The following EXOC6B variants were observed in gnomAD, a reference collection of about 807,000 sequenced individuals.
EXOC6B encodes the protein exocyst complex component 6B.
In EXOC6B, 54 loss-of-function variants were observed where a neutral mutation model predicts 113.5. The ratio of observed to expected loss-of-function variants is 0.48; its 90% CI spans 0.38 to 0.60. The LOEUF (loss-of-function observed/expected upper bound fraction) is 0.60, where lower values mean the gene tolerates loss of function less well. Ranked by LOEUF, EXOC6B falls within the 20% of genes least tolerant of loss-of-function variation. The pLI is 0.00. For missense variants in EXOC6B, 797 were observed against 977.5 expected, an observed-to-expected ratio of 0.82 and a Z score of 2.46; for synonymous variants, 357 against 339.0, an observed-to-expected ratio of 1.05 and a Z score of -0.58.
chr2:72,434,483 C>T (rs573796763), intron 18 of EXOC6B, among the ~76,000 whole-genome samples: 7 of 152,296 alleles, frequency 4.6e-5, no homozygotes, highest in East Asian at 3.9e-4. Flanking sequence ...AGGAATGATA[C>T]CAGTTCCTTT....
Position 72,413,688 on chromosome 2 carries a change from G to GA in EXOC6B, c.1981-33819dup, listed in dbSNP as rs779663149. On this transcript the variant is annotated intron_variant, in intron 18 of 21. Coordinates refer to ENST00000272427, the MANE Select transcript of EXOC6B (RefSeq NM_015189.3). ...CAGAACAAGACTCCGCCTCAAAAAA[G>GA]AAAAAAAAAAAAAGAAAAAAGAAAA... Among the ~76,000 whole-genome samples the GA allele has an allele frequency of 6.3e-3, 682 of 108,184 alleles. 5 individuals carry two copies. Among genetic ancestry groups the GA allele is most frequent in the African/African-American group, 0.017 (547 of 31,318 alleles). The allele number at this position is 108,184 out of a possible 152,430, so 71.0% of individuals were successfully genotyped here. A position where few individuals can be genotyped will look rare whatever the true frequency, so the allele number is the denominator to read the frequency against.
chr2:72,808,432 A>C (rs1261682769), intron 1 of EXOC6B, among the ~76,000 whole-genome samples: 1 of 152,178 alleles, frequency 6.6e-6, no homozygotes, highest in Non-Finnish European at 1.5e-5. Context: ...GAGAAATCAC[A>C]CACACACAAA....
chr2:72,624,105 A>G (rs1671906997), intron 6 of EXOC6B, among the ~76,000 whole-genome samples: 1 of 152,128 alleles, frequency 6.6e-6, no homozygotes, highest in Non-Finnish European at 1.5e-5. Flanking sequence ...GAGCAACTCT[A>G]TATTTTCTCC....
chr2:72,459,704 G>A (rs1318614521), intron 18 of EXOC6B, among the ~76,000 whole-genome samples: 1 of 152,140 alleles, frequency 6.6e-6, no homozygotes. Context: ...GGAAATAAAA[G>A]AGGATACAAA....
At chr2:72,747,227 G>C (rs1681760522) in intron 1 of EXOC6B, among the ~76,000 whole-genome samples, 1 of 151,982 alleles carries the variant, frequency 6.6e-6, no homozygotes, top group Admixed American at 6.6e-5. Flanking sequence ...ACCAATCATG[G>C]TAATTGCATT....
At chr2:72,367,866 G>A (rs901795982) in intron 19 of EXOC6B, among the ~76,000 whole-genome samples, 1 of 152,210 alleles carries the variant, frequency 6.6e-6, no homozygotes, top group African/African-American at 2.4e-5. Context: ...CTAGCCAAAG[G>A]AGAATCATCC....
chr2:72,468,746 AC>A (rs1246065924), intron 17 of EXOC6B, among the ~76,000 whole-genome samples: 1 of 152,116 alleles, frequency 6.6e-6, no homozygotes, highest in Non-Finnish European at 1.5e-5. Context: ...GGAAATTCTA[AC>A]GATGTTAATT....
intron 5 of EXOC6B, among the ~76,000 whole-genome samples, chr2:72,727,790 C>T (rs1680396099): frequency 6.6e-6 from 1 of 152,144 alleles, no homozygotes; most frequent in Admixed American, 6.5e-5. Context: ...TATACCAAAA[C>T]TTAAAACTTC....
intron 6 of EXOC6B, among the ~76,000 whole-genome samples, chr2:72,631,586 C>G (rs981858331): frequency 1.3e-5 from 2 of 151,092 alleles, no homozygotes; most frequent in African/African-American, 4.9e-5. Flanking sequence ...CTTACTGAAG[C>G]CTTGACTTCC....
At chr2:72,481,245 A>G (rs1699073116) in intron 16 of EXOC6B, among the ~76,000 whole-genome samples, 1 of 151,386 alleles carries the variant, frequency 6.6e-6, no homozygotes, top group South Asian at 2.1e-4. Flanking sequence ...TCTTTCCTTT[A>G]TAAATTACCC....
chr2:72,707,009 A>G (rs1678926234), intron 6 of EXOC6B, among the ~76,000 whole-genome samples: 1 of 152,182 alleles, frequency 6.6e-6, no homozygotes, highest in Non-Finnish European at 1.5e-5. Flanking sequence ...CAAAGGTGCC[A>G]GAGTTGTGAA....
chr2:72,453,710 CA>C (rs1697042279), intron 18 of EXOC6B, among the ~76,000 whole-genome samples: 2 of 152,086 alleles, frequency 1.3e-5, no homozygotes, highest in Non-Finnish European at 2.9e-5. Context: ...CTGATATTAG[CA>C]ATGATGAAAT....
intron 15 of EXOC6B, 144 bp from the exon 16 acceptor site, chr2:72,492,573 T>C (rs1699802693): frequency 2.1e-6 from 1 of 476,422 alleles, no homozygotes; most frequent in Admixed American, 3.5e-5. Flanking sequence ...GAAAAAGTAC[T>C]ATAATAAACT....
chr2:72,696,802 T>A (rs1461884388), intron 6 of EXOC6B, among the ~76,000 whole-genome samples: 1 of 152,168 alleles, frequency 6.6e-6, no homozygotes. Flanking sequence ...ACTGAAGCGC[T>A]ATCTATGGTA....
intron 20 of EXOC6B, among the ~76,000 whole-genome samples, chr2:72,301,644 G>A (rs184887957): frequency 1.3e-4 from 20 of 152,220 alleles, no homozygotes; most frequent in African/African-American, 3.4e-4. Flanking sequence ...ACAGGTGTTC[G>A]TAGTAGTCTC....
At chr2:72,382,662 T>G (rs1691759320) in intron 18 of EXOC6B, among the ~76,000 whole-genome samples, 1 of 152,208 alleles carries the variant, frequency 6.6e-6, no homozygotes, top group Non-Finnish European at 1.5e-5. Flanking sequence ...CTCATGAATA[T>G]GGCATGTTTT....
At chr2:72,641,644 G>A (rs112284708) in intron 6 of EXOC6B, among the ~76,000 whole-genome samples, 4,716 of 152,332 alleles carry the variant, frequency 0.031, 113 homozygotes, top group Non-Finnish European at 0.047. Context: ...GGGCATAGCT[G>A]AACAAAAGGC....
In EXOC6B at chr2:72,825,729, G is replaced by T. The variant is rs985803717; in HGVS notation, c.113+69C>A. The T allele has an allele frequency of 2.0e-6, 3 of 1,467,936 alleles. No homozygotes were observed. The African/African-American group carries it at 4.3e-5, about 21-fold the overall frequency. 90.9% of individuals were successfully genotyped at this position (1,467,936 alleles called of 1,614,324 possible). ...CGGACCTGGGGACAGCCGGCCGGAG[G>T]CCCGACCCAGAGGAGCCTGCCCCGT... On this transcript the variant is annotated intron_variant, in intron 1 of 21. Coordinates refer to ENST00000272427, the MANE Select transcript of EXOC6B (RefSeq NM_015189.3). This position sits in a 1 kb window ranked among gnomAD's most constrained non-coding sequence, Gnocchi z 4.4.
chr2:72,282,124 C>T (rs865995505), intron 20 of EXOC6B, among the ~76,000 whole-genome samples: 19 of 152,188 alleles, frequency 1.2e-4, no homozygotes, highest in African/African-American at 4.3e-4. Context: ...GATGATTCAA[C>T]ATCTGTAGGC....
Sources: gnomAD v4.1 joint callset for allele counts (sites outside exome capture counted in the v4.1 genomes callset) on GRCh38, gnomAD v4.1.1 for gene constraint, Gnocchi (gnomAD v3.1) non-coding constraint, MANE v1.5 for transcripts, NCBI Gene and HGNC (gene_info 2026-07-23, HGNC 2026-07-21) for gene names.